Variants in RHOT1 observed in about 807,000 individuals in gnomAD.
RHOT1 encodes ras homolog family member T1, also known as mitochondrial Rho GTPase 1.
Under a neutral mutation model 95.3 loss-of-function variants are expected in RHOT1, and 27 were observed. That is an observed-to-expected ratio of 0.28 (90% confidence interval 0.21 to 0.39). RHOT1 has a LOEUF of 0.39. Ranked by LOEUF, RHOT1 falls within the 10% of genes least tolerant of loss-of-function variation. RHOT1 has a pLI of 1.00. For synonymous variants in RHOT1, 227 were observed against 263.5 expected, an observed-to-expected ratio of 0.86 and a Z score of 1.34; for missense variants, 578 against 786.7, an observed-to-expected ratio of 0.73 and a Z score of 3.17.
chr17:32,183,148 A>G, intron 7 of RHOT1, 23 bp from the exon 8 acceptor site: 1 of 1,524,552 alleles, frequency 6.6e-7, no homozygotes, highest in Non-Finnish European at 9.0e-7. Flanking sequence ...TTGATTTCAG[A>G]GTGTAAAATT....
chr17:32,169,198 T>A (rs1247541140), intron 1 of RHOT1, among the ~76,000 whole-genome samples: 1 of 152,206 alleles, frequency 6.6e-6, no homozygotes, highest in African/African-American at 2.4e-5. Context: ...TTTAATCATT[T>A]AAGAAGGGAA....
chr17:32,190,628 A>G (rs1366121459), intron 8 of RHOT1, among the ~76,000 whole-genome samples: 1 of 152,192 alleles, frequency 6.6e-6, no homozygotes, highest in African/African-American at 2.4e-5. Context: ...ACTTTTTTAA[A>G]AGGAGAGTAA....
At chr17:32,178,569 G>C (rs920283207) in intron 6 of RHOT1, among the ~76,000 whole-genome samples, 6 of 152,174 alleles carry the variant, frequency 3.9e-5, no homozygotes, top group African/African-American at 1.4e-4. Context: ...GCCTGCCTTG[G>C]CCTCCCAAAG....
chr17:32,162,119 G>A (rs1054992786), intron 1 of RHOT1, among the ~76,000 whole-genome samples: 3 of 152,156 alleles, frequency 2.0e-5, no homozygotes, highest in African/African-American at 7.2e-5. Flanking sequence ...CTGTTTCCCT[G>A]TTGGAGGTTT....
At chr17:32,144,493 A>G (rs2030980178) in intron 1 of RHOT1, among the ~76,000 whole-genome samples, 1 of 152,154 alleles carries the variant, frequency 6.6e-6, no homozygotes, top group Non-Finnish European at 1.5e-5. Context: ...GGTTGCAGTG[A>G]GCTGAGACAT....
rs1214524802 is a variant in RHOT1 at position 32,142,860 on chromosome 17, G to A, written c.37+131G>A. ...CTTCTCGCGCCTCACAGCTCCGCTC[G>A]CCTTTCTCCGCGTTCCTAGGCCTTC... is the stretch of plus-strand genomic sequence containing the variant. On this transcript the variant is annotated intron_variant, in intron 1 of 19. Transcript: ENST00000545287. The A allele has an allele frequency of 4.8e-6, 4 of 839,372 alleles. No homozygotes were observed. In the African/African-American group the frequency reaches 6.8e-5, roughly 14 times the overall value. The allele number at this position is 839,372 out of a possible 1,614,324, so 52.0% of individuals were successfully genotyped here. A position where few individuals can be genotyped will look rare whatever the true frequency, so the allele number is the denominator to read the frequency against.
At position 32,224,869 on chromosome 17, in the gene RHOT1, G is replaced by C; in HGVS notation, c.*136G>C. 1.8e-6 allele frequency: 1 copy of C among 552,870 alleles called. No homozygotes were observed. The highest frequency in any genetic ancestry group is 1.9e-5 in the African/African-American group (1 of 53,794). 34.2% of individuals were successfully genotyped at this position (552,870 alleles called of 1,614,324 possible). A position where few individuals can be genotyped will look rare whatever the true frequency, so the allele number is the denominator to read the frequency against. ...TAATATTTGTAATTCATGCATAAGA[G>C]TATTTTAATGATAGTTATAACTGCA... On this transcript the variant is annotated 3_prime_UTR_variant, in exon 20 of 20. Transcript: ENST00000545287.
chr17:32,186,617 G>A (rs539736996), intron 8 of RHOT1, among the ~76,000 whole-genome samples: 3 of 151,868 alleles, frequency 2.0e-5, no homozygotes, highest in Admixed American at 6.6e-5. Flanking sequence ...CGCCCGCCTC[G>A]GCCCCCCAAA....
chr17:32,142,782 C>A, intron 1 of RHOT1, 53 bp downstream of exon 1: 2 of 1,434,098 alleles, frequency 1.4e-6, no homozygotes, highest in Non-Finnish European at 1.9e-6. Context: ...CCTGCCCCTG[C>A]AGCCCCTGTC....
At chr17:32,151,868 C>T (rs370546355) in intron 1 of RHOT1, among the ~76,000 whole-genome samples, 66 of 130,566 alleles carry the variant, frequency 5.1e-4, no homozygotes, top group African/African-American at 2.0e-3. Context: ...GGCGACAGAG[C>T]GAGACTCCGT....
chr17:32,157,936 C>T (rs2142418802), intron 1 of RHOT1, among the ~76,000 whole-genome samples: 1 of 152,340 alleles, frequency 6.6e-6, no homozygotes, highest in Admixed American at 6.5e-5. Flanking sequence ...CTTGCTCTTT[C>T]ATGGCTCACT....
chr17:32,205,030 C>G (rs1040836992), intron 16 of RHOT1, among the ~76,000 whole-genome samples: 10 of 149,982 alleles, frequency 6.7e-5, no homozygotes, highest in Middle Eastern at 3.5e-3. Flanking sequence ...TTACTTTCTT[C>G]TACTTCTATT....
intron 2 of RHOT1, among the ~76,000 whole-genome samples, chr17:32,172,364 T>TAAAA (rs2034646160): frequency 2.0e-5 from 3 of 152,364 alleles, no homozygotes; most frequent in Admixed American, 2.0e-4. Context: ...AAAAGTTTTC[T>TAAAA]GTGAGAGTTT....
At chr17:32,211,051 C>A (rs968371065) in intron 18 of RHOT1, 65 bp from the exon 19 acceptor site, 10 of 1,483,292 alleles carry the variant, frequency 6.7e-6, no homozygotes, top group East Asian at 2.3e-5. Context: ...TAAGTTGGCA[C>A]ACCCTGACTT....
intron 1 of RHOT1, among the ~76,000 whole-genome samples, chr17:32,166,701 CT>C (rs956403798): frequency 2.6e-5 from 4 of 152,214 alleles, no homozygotes; most frequent in African/African-American, 9.6e-5. Flanking sequence ...CCATAATAAA[CT>C]CTTCATCTGT....
At chr17:32,176,128 TC>T in intron 5 of RHOT1, 32 bp from the exon 6 acceptor site, 1 of 1,602,898 alleles carries the variant, frequency 6.2e-7, no homozygotes, top group Middle Eastern at 1.7e-4. Context: ...AAGATCCTTA[TC>T]ATGGCTAAGC....
intron 19 of RHOT1, among the ~76,000 whole-genome samples, chr17:32,218,268 C>CA (rs2038609217): frequency 6.6e-6 from 1 of 152,042 alleles, no homozygotes. Context: ...GCAGGAGGAT[C>CA]ACTTGAGCTC....
intron 8 of RHOT1, among the ~76,000 whole-genome samples, chr17:32,191,557 A>G (rs895788794): frequency 1.3e-5 from 2 of 152,214 alleles, no homozygotes; most frequent in South Asian, 2.1e-4. Flanking sequence ...TGAATCATAA[A>G]ACAAAAATGA....
chr17:32,217,251 C>T (rs2038530566), intron 19 of RHOT1, among the ~76,000 whole-genome samples: 1 of 152,132 alleles, frequency 6.6e-6, no homozygotes, highest in African/African-American at 2.4e-5. Flanking sequence ...TTTAGGCGTG[C>T]TCAGTTAACA....
Sources: allele counts gnomAD v4.1 joint callset (sites outside exome capture counted in the v4.1 genomes callset), GRCh38; gene constraint gnomAD v4.1.1; transcripts MANE v1.5; gene names NCBI Gene and HGNC (gene_info 2026-07-23, HGNC 2026-07-21).